BTBD8: variants seen among roughly 807,000 people sequenced by gnomAD.
BTBD8 encodes the protein BTB/POZ domain-containing protein 8.
BTBD8 carries 110 observed loss-of-function variants against 162.9 expected under a neutral mutation model. That is an observed-to-expected ratio of 0.68 (90% CI 0.58 to 0.79). The LOEUF (loss-of-function observed/expected upper bound fraction) is 0.79, where lower values mean the gene tolerates loss of function less well. Ranked by LOEUF, BTBD8 falls within the 30% of genes least tolerant of loss-of-function variation. The pLI is 0.00. For missense variants in BTBD8, 1,905 were observed against 2,085.4 expected (o/e 0.91, Z 1.68); for synonymous variants, 667 against 716.1 (o/e 0.93, Z 1.10).
chr1:92,083,327 T>G (rs1478985978), intron 1 of BTBD8, among the ~76,000 whole-genome samples: 2 of 152,124 alleles, frequency 1.3e-5, no homozygotes, highest in South Asian at 2.1e-4. Flanking sequence ...CATTTCTTTT[T>G]CTACCATAGA....
intron 4 of BTBD8, among the ~76,000 whole-genome samples, chr1:92,113,267 A>G (rs1413986409): frequency 6.6e-6 from 1 of 152,234 alleles, no homozygotes; most frequent in Non-Finnish European, 1.5e-5. Context: ...TTTAAGCCTC[A>G]GATGCTTCTA....
chr1:92,184,068 C>T lies in BTBD8; in HGVS notation c.5117C>T (p.Ser1706Phe), dbSNP rs1196978313. ...TGGACACTACTAAAGCAACTGCTCT[C>T]TGAACAGGATTCAAACTTAGATGTT... ...QDWTLLKQLLSEQDSNLDVTN... is the reference protein window; with the variant it reads ...QDWTLLKQLLFEQDSNLDVTN... The change falls in exon 18 of 18, where the codon TCT becomes TTT. Residue 1706 changes from serine to phenylalanine, a missense_variant. This residue lies in a region of BTBD8 where 517 missense variants were observed against 606.6 expected (regional missense o/e 0.85). Coordinates refer to ENST00000636805, the MANE Select transcript of BTBD8 (RefSeq NM_001376131.1). 26 of 1,551,578 alleles carry T rather than the reference C, an allele frequency of 1.7e-5. No individual in the cohort carries two copies. The highest frequency in any genetic ancestry group is 2.3e-5 in the Non-Finnish European group (26 of 1,146,906).
At chr1:92,085,199 T>C (rs1045319122) in intron 1 of BTBD8, among the ~76,000 whole-genome samples, 3 of 152,258 alleles carry the variant, frequency 2.0e-5, no homozygotes, top group African/African-American at 7.2e-5. Flanking sequence ...TAGTATGTGC[T>C]CAATAAATGT....
chr1:92,145,824 A>G (rs1287287582), intron 7 of BTBD8, among the ~76,000 whole-genome samples: 1 of 152,140 alleles, frequency 6.6e-6, no homozygotes, highest in Non-Finnish European at 1.5e-5. Context: ...TACTAAAAAT[A>G]CAAAAAGTTA....
chr1:92,109,970 T>C (rs1280356410), intron 4 of BTBD8, among the ~76,000 whole-genome samples: 1 of 152,218 alleles, frequency 6.6e-6, no homozygotes, highest in Non-Finnish European at 1.5e-5. Flanking sequence ...TCAGTTTAGG[T>C]ATCAACATTT....
chr1:92,183,728 G>C, intron 17 of BTBD8, 136 bp from the exon 18 acceptor site: 1 of 632,734 alleles, frequency 1.6e-6, no homozygotes, highest in Non-Finnish European at 2.6e-6. Context: ...TGTCAATTTT[G>C]TATAGAAGTT....
At chr1:92,154,616 A>G (rs903434208) in intron 9 of BTBD8, among the ~76,000 whole-genome samples, 3 of 152,272 alleles carry the variant, frequency 2.0e-5, no homozygotes, top group Admixed American at 6.5e-5. Flanking sequence ...TCTTCAGCCA[A>G]TTTTTAACAG....
chr1:92,081,654 A>G (rs1291063419), intron 1 of BTBD8, among the ~76,000 whole-genome samples: 1 of 151,946 alleles, frequency 6.6e-6, no homozygotes, highest in Non-Finnish European at 1.5e-5. Flanking sequence ...GCTCACTGCA[A>G]CCTCCACCTC....
At position 92,180,846 on chromosome 1, in the gene BTBD8, A is replaced by G; in HGVS notation, c.3163A>G (p.Lys1055Glu). 3 of 1,551,498 alleles carry G rather than the reference A, an allele frequency of 1.9e-6. No homozygotes were observed. Among genetic ancestry groups the G allele is most frequent in the Non-Finnish European group, 2.6e-6 (3 of 1,146,964 alleles). Residue 1055 changes from lysine (K) to glutamate (E), a missense_variant, in exon 17 of 18, where the codon AAA (lysine) becomes GAA (glutamate). Around this residue, in one of 3 missense-constraint regions of BTBD8, gnomAD observed 1,374 missense variants for 1,442.7 expected, o/e 0.95. Coordinates refer to ENST00000636805, the MANE Select transcript of BTBD8 (RefSeq NM_001376131.1). ...KQICLDKSETKFPNHKETDDC... is the reference protein window; with the variant it reads ...KQICLDKSETEFPNHKETDDC... ...GATTTGTTTAGATAAAAGTGAAACA[A>G]AATTTCCCAATCACAAAGAAACAGA...
intron 2 of BTBD8, among the ~76,000 whole-genome samples, chr1:92,093,353 C>A (rs1046081807): frequency 1.3e-5 from 2 of 151,944 alleles, no homozygotes; most frequent in Non-Finnish European, 1.5e-5. Context: ...TCACCATGCC[C>A]GGCTAATTTT....
rs35871868 is a variant in BTBD8 at position 92,088,851 on chromosome 1, T to A, written c.303T>A (p.Ile101=). ...TSNSLTNQEP[I]AVENVEALEF... is the part of the protein sequence containing the mutation. ...ATAGTTTAACAAATCAGGAGCCTAT[T>A]GCTGTGGAGAATGTTGAAGCTTTAG... Residue 101 remains isoleucine, a synonymous_variant, in exon 2 of 18, where the codon ATT becomes ATA. Transcript: ENST00000636805. 5.2e-4 allele frequency: 835 copies of A among 1,612,894 alleles called. 2 individuals carry two copies. The African/African-American group carries it at 7.9e-3, about 15-fold the overall frequency.
intron 9 of BTBD8, among the ~76,000 whole-genome samples, chr1:92,156,668 A>C (rs1185687080): frequency 6.6e-6 from 1 of 152,148 alleles, no homozygotes; most frequent in South Asian, 2.1e-4. Flanking sequence ...CAACCTTAAT[A>C]GGTTGTATGT....
At chr1:92,148,356 G>A (rs757684042) in intron 9 of BTBD8, among the ~76,000 whole-genome samples, 1 of 152,108 alleles carries the variant, frequency 6.6e-6, no homozygotes, top group African/African-American at 2.4e-5. Flanking sequence ...TCTGAATAAG[G>A]TACTCACTTA....
chr1:92,106,856 C>T (rs1648741864), intron 3 of BTBD8, among the ~76,000 whole-genome samples: 1 of 151,562 alleles, frequency 6.6e-6, no homozygotes, highest in African/African-American at 2.4e-5. Context: ...GATCTGATTT[C>T]AAAAGGTATC....
intron 4 of BTBD8, among the ~76,000 whole-genome samples, chr1:92,120,071 T>C (rs1649162386): frequency 1.3e-5 from 2 of 151,910 alleles, no homozygotes; most frequent in South Asian, 4.2e-4. Context: ...CGGCTAATTT[T>C]TTGTATTTTA....
intron 9 of BTBD8, among the ~76,000 whole-genome samples, chr1:92,154,788 A>C (rs1298571461): frequency 6.6e-6 from 1 of 151,280 alleles, no homozygotes; most frequent in Non-Finnish European, 1.5e-5. Flanking sequence ...ATGTAGTTTC[A>C]CTCGTTTATG....
chr1:92,138,117 G>C (rs534149126), intron 5 of BTBD8, among the ~76,000 whole-genome samples: 3 of 152,120 alleles, frequency 2.0e-5, no homozygotes, highest in Non-Finnish European at 1.5e-5. Context: ...ACAGTTCTTA[G>C]GGTTACAGCA....
At chr1:92,159,298 C>G (rs561917162) in intron 9 of BTBD8, among the ~76,000 whole-genome samples, 1 of 152,086 alleles carries the variant, frequency 6.6e-6, no homozygotes, top group East Asian at 1.9e-4. Flanking sequence ...CCACAGCCTC[C>G]CAAGTAGCTG....
rs977727586 is a variant in BTBD8 at position 92,177,027 on chromosome 1, G to A, written c.1834G>A (p.Gly612Ser). ...GCAAGATGATGTAAAGGAAAAAGATGGTACAAAAATAGCATCTAAGATTAC... is the reference window on the plus strand; with the variant it reads ...GCAAGATGATGTAAAGGAAAAAGATAGTACAAAAATAGCATCTAAGATTAC... Reference protein sequence around the residue: ...LKQDDVKEKDGTKIASKITKE... With the variant: ...LKQDDVKEKDSTKIASKITKE... Residue 612 changes from glycine (G) to serine (S), a missense_variant, in exon 14 of 18, where the codon GGT becomes AGT. By Grantham distance (56) the Gly-to-Ser change is moderately conservative (BLOSUM62 0). Transcript: ENST00000636805. 6.5e-7 allele frequency: 1 copy of A among 1,548,660 alleles called. No homozygotes were observed. Among genetic ancestry groups the A allele is most frequent in the Non-Finnish European group, 8.7e-7 (1 of 1,145,978 alleles).
Sources: allele counts gnomAD v4.1 joint callset (sites outside exome capture counted in the v4.1 genomes callset), GRCh38; gene constraint gnomAD v4.1.1; regional missense constraint gnomAD v4.1.1; transcripts MANE v1.5; gene names NCBI Gene and HGNC (gene_info 2026-07-23, HGNC 2026-07-21).